Variants in DPP6 observed in about 807,000 individuals in gnomAD.
The protein encoded by DPP6 is A-type potassium channel modulatory protein DPP6.
A neutral mutation model predicts 122.6 loss-of-function variants in DPP6; 69 were observed. The observed-to-expected ratio is 0.56, with a 90% CI of 0.46 to 0.69. The LOEUF is 0.69. DPP6 is among the 30% of genes least tolerant of loss of function. The probability of loss-of-function intolerance (pLI) is 0.00; values close to 1 mark genes in which losing one functional copy is unlikely to be tolerated. For synonymous variants in DPP6, 418 were observed against 433.1 expected (o/e 0.97, Z 0.43); for missense variants, 928 against 1,116.9 (o/e 0.83, Z 2.41).
At position 154,343,861 on chromosome 7, in the gene DPP6, G is replaced by A. The variant is rs574621693; in HGVS notation, c.244-102353G>A. On this transcript the variant is annotated intron_variant, in intron 1 of 25. Transcript: ENST00000377770. ...CTCCCACAGTGCTGGGATTACAGGC[G>A]TGTGCCACCATGCCTGGCTAATTTT... Among the ~76,000 whole-genome samples the A allele has an allele frequency of 7.2e-5, 11 of 152,320 alleles. No individual in the cohort carries two copies. In the South Asian group the frequency reaches 1.2e-3, roughly 17 times the overall value.
chr7:154,414,733 T>G (rs1439112959), intron 1 of DPP6, among the ~76,000 whole-genome samples: 1 of 152,188 alleles, frequency 6.6e-6, no homozygotes, highest in East Asian at 1.9e-4. Context: ...TAGGGCTGGA[T>G]AGGGCTGGAG....
chr7:154,886,135 T>G (rs1306100352), intron 22 of DPP6, among the ~76,000 whole-genome samples: 1 of 152,150 alleles, frequency 6.6e-6, no homozygotes, highest in Non-Finnish European at 1.5e-5. Flanking sequence ...CTGCCCTGAG[T>G]TCTATGCCTG....
chr7:154,158,397 TGTC>T, intron 1 of DPP6, among the ~76,000 whole-genome samples: 1 of 151,844 alleles, frequency 6.6e-6, no homozygotes, highest in Non-Finnish European at 1.5e-5. Context: ...TTTTTCAGCC[TGTC>T]TATTGGCTCT....
chr7:153,834,554 G>C, the DPP6 span, among the ~76,000 whole-genome samples: 1 of 152,090 alleles, frequency 6.6e-6, no homozygotes, highest in South Asian at 2.1e-4. Flanking sequence ...AGCATGTCAC[G>C]CATCAGGGAT....
intron 5 of DPP6, among the ~76,000 whole-genome samples, chr7:154,581,942 C>T (rs1832100542): frequency 6.6e-6 from 1 of 152,360 alleles, no homozygotes; most frequent in Non-Finnish European, 1.5e-5. Context: ...CCCCACATGT[C>T]ACCCAGAGGC....
At chr7:154,837,682 T>C (rs1801197437) in intron 16 of DPP6, among the ~76,000 whole-genome samples, 1 of 152,250 alleles carries the variant, frequency 6.6e-6, no homozygotes, top group African/African-American at 2.4e-5. Context: ...TGGCCCTTTA[T>C]CTTCTGAAAG....
intron 9 of DPP6, among the ~76,000 whole-genome samples, chr7:154,772,617 G>A (rs1313833802): frequency 2.0e-5 from 3 of 152,142 alleles, no homozygotes; most frequent in Non-Finnish European, 1.5e-5. Flanking sequence ...GGGTGGAATG[G>A]GAAGCGGATG....
chr7:153,847,772 A>G, the DPP6 span, among the ~76,000 whole-genome samples: 1 of 152,156 alleles, frequency 6.6e-6, no homozygotes, highest in African/African-American at 2.4e-5. Flanking sequence ...TCATCCATCT[A>G]TCGCCTTCTA....
intron 7 of DPP6, among the ~76,000 whole-genome samples, chr7:154,692,718 G>T (rs73730207): frequency 6.6e-6 from 1 of 151,650 alleles, no homozygotes; most frequent in Non-Finnish European, 1.5e-5. Flanking sequence ...CACTGAAAGC[G>T]CATCTACCCA....
chr7:154,063,065 G>A (rs1448022794), intron 1 of DPP6, among the ~76,000 whole-genome samples: 1 of 122,906 alleles, frequency 8.1e-6, no homozygotes, highest in Admixed American at 8.3e-5. Context: ...CGAGAGTGGG[G>A]ACTGAGAGCT....
intron 1 of DPP6, among the ~76,000 whole-genome samples, chr7:154,064,709 G>A (rs1405931365): frequency 2.0e-5 from 3 of 152,122 alleles, no homozygotes; most frequent in African/African-American, 4.8e-5. Context: ...TCTGCTCTAA[G>A]CTCATGAAGT....
At chr7:154,854,848 C>A (rs1227760259) in intron 17 of DPP6, among the ~76,000 whole-genome samples, 3 of 152,212 alleles carry the variant, frequency 2.0e-5, no homozygotes, top group African/African-American at 7.2e-5. Flanking sequence ...TCGGTCCCTC[C>A]CTTTCCAGCC....
At chr7:154,083,819 A>T (rs1804206547) in intron 1 of DPP6, among the ~76,000 whole-genome samples, 1 of 151,526 alleles carries the variant, frequency 6.6e-6, no homozygotes, top group Non-Finnish European at 1.5e-5. Flanking sequence ...AGTTAGCTTC[A>T]TGCATTAAGA....
intron 17 of DPP6, among the ~76,000 whole-genome samples, chr7:154,855,568 G>A (rs573582617): frequency 8.5e-5 from 13 of 152,272 alleles, no homozygotes; most frequent in East Asian, 5.8e-4. Context: ...GATGTTGGGC[G>A]CGATTGCCTG....
At chr7:154,141,199 T>A (rs1346892782) in intron 1 of DPP6, among the ~76,000 whole-genome samples, 3 of 152,242 alleles carry the variant, frequency 2.0e-5, no homozygotes, top group Non-Finnish European at 4.4e-5. Flanking sequence ...TAGAAAGCCA[T>A]AATTAATAGT....
chr7:154,455,167 G>A (rs1246281164), intron 2 of DPP6, among the ~76,000 whole-genome samples: 2 of 152,196 alleles, frequency 1.3e-5, no homozygotes, highest in East Asian at 1.9e-4. Flanking sequence ...AACTTAGCTT[G>A]TGCATCTCAC....
chr7:153,967,512 A>G (rs1235477361), intron 1 of DPP6, among the ~76,000 whole-genome samples: 1 of 152,100 alleles, frequency 6.6e-6, no homozygotes, highest in Non-Finnish European at 1.5e-5. Context: ...TTGGGGAGGG[A>G]GAGTTGGTCC....
intron 7 of DPP6, among the ~76,000 whole-genome samples, chr7:154,678,609 G>A (rs550442077): frequency 6.6e-6 from 1 of 152,312 alleles, no homozygotes; most frequent in Non-Finnish European, 1.5e-5. Flanking sequence ...GAGGGTCTGC[G>A]GCTTCATTCC....
chr7:154,603,656 C>CAAAA (rs779501891), intron 5 of DPP6, among the ~76,000 whole-genome samples: 1,207 of 24,936 alleles, frequency 0.048, 292 homozygotes, highest in South Asian at 0.078. Context: ...AACTCTGTCT[C>CAAAA]AAAAAAAAAA....
Sources: allele counts gnomAD v4.1 joint callset (sites outside exome capture counted in the v4.1 genomes callset), GRCh38; gene constraint gnomAD v4.1.1; transcripts MANE v1.5; gene names NCBI Gene and HGNC (gene_info 2026-07-23, HGNC 2026-07-21).